Variants in ARHGAP24 observed in about 807,000 individuals in gnomAD.
ARHGAP24 encodes rho GTPase-activating protein 24.
Under a neutral mutation model 76.4 loss-of-function variants are expected in ARHGAP24, and 50 were observed. That is an observed-to-expected ratio of 0.65 (90% CI 0.52 to 0.83). The LOEUF (loss-of-function observed/expected upper bound fraction) is 0.83, where lower values mean the gene tolerates loss of function less well. Ranked by LOEUF, ARHGAP24 falls within the 40% of genes least tolerant of loss-of-function variation. The pLI, the probability that ARHGAP24 is intolerant of heterozygous loss-of-function variation, is 0.00. For missense variants in ARHGAP24, 930 were observed against 914.2 expected, an observed-to-expected ratio of 1.02 and a Z score of -0.22; for synonymous variants, 345 against 323.3, an observed-to-expected ratio of 1.07 and a Z score of -0.72.
chr4:85,600,604 A>C (rs2109987758), intron 2 of ARHGAP24, among the ~76,000 whole-genome samples: 1 of 152,336 alleles, frequency 6.6e-6, no homozygotes, highest in Non-Finnish European at 1.5e-5. Context: ...TTCCTTTGGA[A>C]GGCTAAAAGC....
intron 1 of ARHGAP24, among the ~76,000 whole-genome samples, chr4:85,531,261 G>A (rs1041209398): frequency 6.6e-6 from 1 of 152,046 alleles, no homozygotes. Context: ...GCCAAGATAC[G>A]TTGATGGTCT....
intron 2 of ARHGAP24, among the ~76,000 whole-genome samples, chr4:85,598,099 A>G (rs1043969470): frequency 3.3e-5 from 5 of 152,100 alleles, no homozygotes; most frequent in Admixed American, 3.3e-4. Flanking sequence ...ACTATTCATT[A>G]TGCAGCCACA....
intron 5 of ARHGAP24, 117 bp downstream of exon 5, chr4:85,942,390 T>A (rs1737004595): frequency 1.6e-6 from 2 of 1,253,884 alleles, no homozygotes; most frequent in Admixed American, 3.8e-5. Context: ...ACAACATAGA[T>A]TATTTGGCCA....
Position 85,643,494 on chromosome 4 carries a change from A to G in ARHGAP24, c.180+72773A>G, listed in dbSNP as rs1034800805. Among the ~76,000 whole-genome samples, 7 of 138,698 alleles carry G rather than the reference A, an allele frequency of 5.0e-5. 2 individuals carry two copies. The highest frequency in any genetic ancestry group is 7.8e-5 in the Non-Finnish European group (5 of 64,082). 91.0% of individuals were successfully genotyped at this position (138,698 alleles called of 152,430 possible). A position where few individuals can be genotyped will look rare whatever the true frequency, so the allele number is the denominator to read the frequency against. ...AGGATGGTCTCGATCTCCTGACCTCATGATCCACCCGCCTCGGCCTCCCAA... is the reference window on the plus strand; with the variant it reads ...AGGATGGTCTCGATCTCCTGACCTCGTGATCCACCCGCCTCGGCCTCCCAA... On this transcript the variant is annotated intron_variant, in intron 2 of 9. Transcript: ENST00000395184.
At chr4:85,899,990 T>G (rs1307623481) in intron 3 of ARHGAP24, among the ~76,000 whole-genome samples, 2 of 152,148 alleles carry the variant, frequency 1.3e-5, no homozygotes, top group Non-Finnish European at 2.9e-5. Context: ...ATTTGTGGAG[T>G]AATATCTACT....
chr4:85,749,684 GCC>G (rs1726184339), intron 3 of ARHGAP24, among the ~76,000 whole-genome samples: 1 of 152,186 alleles, frequency 6.6e-6, no homozygotes, highest in African/African-American at 2.4e-5. Context: ...TCCTGCCTCA[GCC>G]CCCTGAGTAG....
intron 3 of ARHGAP24, among the ~76,000 whole-genome samples, chr4:85,821,162 T>A (rs1345605767): frequency 6.6e-6 from 1 of 152,158 alleles, no homozygotes; most frequent in African/African-American, 2.4e-5. Context: ...TATGCATTTA[T>A]ATTCATATGC....
intron 1 of ARHGAP24, among the ~76,000 whole-genome samples, chr4:85,501,820 G>A (rs1456923588): frequency 5.9e-5 from 9 of 152,004 alleles, no homozygotes; most frequent in African/African-American, 2.2e-4. Context: ...GAATGGTATT[G>A]CCTAGTTTTT....
chr4:85,811,717 A>C (rs1729019900), intron 3 of ARHGAP24, among the ~76,000 whole-genome samples: 1 of 152,246 alleles, frequency 6.6e-6, no homozygotes, highest in African/African-American at 2.4e-5. Flanking sequence ...TATGTGGATA[A>C]GTTCACAATC....
chr4:85,555,016 C>T (rs1428344412), intron 1 of ARHGAP24, among the ~76,000 whole-genome samples: 1 of 152,100 alleles, frequency 6.6e-6, no homozygotes, highest in African/African-American at 2.4e-5. Context: ...TCTAACTGCT[C>T]CTGTATCATA....
chr4:85,664,122 C>T (rs1483459869), intron 2 of ARHGAP24, among the ~76,000 whole-genome samples: 5 of 151,396 alleles, frequency 3.3e-5, no homozygotes, highest in Admixed American at 6.6e-5. Flanking sequence ...TAGAATTCGG[C>T]TGTGAATCCA....
chr4:85,879,535 A>G (rs1289738139), intron 3 of ARHGAP24, among the ~76,000 whole-genome samples: 1 of 152,142 alleles, frequency 6.6e-6, no homozygotes, highest in Non-Finnish European at 1.5e-5. Flanking sequence ...AAAATGACAT[A>G]AAACAGTATT....
In ARHGAP24 at chr4:86,001,376, G is replaced by A. The variant is rs749723140; in HGVS notation, c.*654G>A. The A allele has an allele frequency of 5.0e-6, 2 of 398,940 alleles. No individual in the cohort carries two copies. The highest frequency in any genetic ancestry group is 4.4e-5 in the Admixed American group (1 of 22,728). 24.7% of individuals were successfully genotyped at this position (398,940 alleles called of 1,614,324 possible). On this transcript the variant is annotated 3_prime_UTR_variant, in exon 10 of 10. Coordinates refer to ENST00000395184, the MANE Select transcript of ARHGAP24 (RefSeq NM_001025616.3). ...CCACTCAGTTTTGCTTTTGCGAGGC[G>A]ATTTGACATAGGAACTTTGAGACTC...
chr4:85,973,790 C>CATTAGATT (rs900552464), intron 6 of ARHGAP24, among the ~76,000 whole-genome samples: 1 of 148,018 alleles, frequency 6.8e-6, no homozygotes, highest in African/African-American at 2.5e-5. Context: ...TTCTTTCCCC[C>CATTAGATT]ATTAGATTTT....
rs147477400 is a variant in ARHGAP24 at position 85,483,200 on chromosome 4, C to G, written c.-21+7641C>G. Among the ~76,000 whole-genome samples, 363 of 152,156 alleles carry G rather than the reference C, an allele frequency of 2.4e-3. 3 individuals carry two copies. Among genetic ancestry groups the G allele is most frequent in the Non-Finnish European group, 8.2e-4 (56 of 68,008 alleles). ...AGTGACAAACAGGGGGAATCCTGAG[C>G]AGTATTTTTCAAATTGTAGGTCTTA... On this transcript the variant is annotated intron_variant, in intron 1 of 9. Coordinates refer to ENST00000395184, the MANE Select transcript of ARHGAP24 (RefSeq NM_001025616.3).
chr4:85,884,627 CT>C (rs1364105897), intron 3 of ARHGAP24, among the ~76,000 whole-genome samples: 1 of 152,152 alleles, frequency 6.6e-6, no homozygotes, highest in Non-Finnish European at 1.5e-5. Flanking sequence ...CATGCAACCC[CT>C]ATCCCACTTC....
intron 2 of ARHGAP24, among the ~76,000 whole-genome samples, chr4:85,655,769 A>G (rs1383348728): frequency 6.6e-5 from 3 of 45,754 alleles, no homozygotes; most frequent in African/African-American, 1.5e-4. Flanking sequence ...GAGACTCCAT[A>G]TATATATATA....
intron 7 of ARHGAP24, among the ~76,000 whole-genome samples, chr4:85,977,168 T>C (rs1739390557): frequency 1.3e-5 from 2 of 152,200 alleles, no homozygotes; most frequent in South Asian, 4.1e-4. Flanking sequence ...TAATTCCTCC[T>C]GTCTAAAGAA....
At chr4:85,493,113 G>A (rs1160536641) in intron 1 of ARHGAP24, among the ~76,000 whole-genome samples, 1 of 152,184 alleles carries the variant, frequency 6.6e-6, no homozygotes, top group Non-Finnish European at 1.5e-5. Flanking sequence ...CCCCTTCTCA[G>A]TGCATCATAT....
Sources: gnomAD v4.1 joint callset for allele counts (sites outside exome capture counted in the v4.1 genomes callset) on GRCh38, gnomAD v4.1.1 for gene constraint, MANE v1.5 for transcripts, NCBI Gene and HGNC (gene_info 2026-07-23, HGNC 2026-07-21) for gene names.